Variants in GABPB1 observed in about 807,000 individuals in gnomAD.
The protein encoded by GABPB1 is GA-binding protein subunit beta-1.
A neutral mutation model predicts 45.9 loss-of-function variants in GABPB1; 15 were observed. The ratio of observed to expected loss-of-function variants is 0.33; its 90% CI spans 0.22 to 0.50. The LOEUF is 0.50. GABPB1 is among the 20% of genes least tolerant of loss of function. The pLI, the probability that GABPB1 is intolerant of heterozygous loss-of-function variation, is 0.98. For missense variants in GABPB1, 252 were observed against 457.5 expected, an observed-to-expected ratio of 0.55 and a Z score of 4.10; for synonymous variants, 143 against 154.4, an observed-to-expected ratio of 0.93 and a Z score of 0.55.
intron 1 of GABPB1, chr15:50,352,753 G>A (rs1397304635): frequency 1.3e-5 from 2 of 152,148 alleles, no homozygotes; most frequent in African/African-American, 4.8e-5. Flanking sequence ...CCTGTTGATG[G>A]AACAGTAGAG....
At chr15:50,346,879 C>T (rs184967078) in intron 1 of GABPB1, among the ~76,000 whole-genome samples, 3 of 151,522 alleles carry the variant, frequency 2.0e-5, no homozygotes, top group African/African-American at 7.3e-5. Flanking sequence ...CCTCCGCCCC[C>T]CCCAGGTTCA....
intron 1 of GABPB1, chr15:50,314,777 G>A (rs1484944631): frequency 1.3e-5 from 2 of 152,228 alleles, no homozygotes; most frequent in African/African-American, 4.8e-5. Flanking sequence ...TTTTTCCACA[G>A]TGTTAATGTA....
chr15:50,318,711 A>G (rs1595795068), intron 1 of GABPB1, among the ~76,000 whole-genome samples: 2 of 152,232 alleles, frequency 1.3e-5, no homozygotes, highest in Admixed American at 6.5e-5. Context: ...CAAGGAAAAG[A>G]CAGGCTGGTA....
rs2047932939 is a variant in GABPB1, at chr15:50,331,084, A to G, written c.1-21286T>C. On this transcript the variant is annotated intron_variant, in intron 1 of 8. Transcript: ENST00000380877. ...AAGGAAGCATCATGATGCACAAGTC[A>G]TTCTCTTGGTTGCTTAGCATCAAAA... Among the ~76,000 whole-genome samples, 4 of 152,320 alleles carry G rather than the reference A, an allele frequency of 2.6e-5. No homozygotes were observed. The South Asian group carries it at 8.3e-4, about 32-fold the overall frequency.
At chr15:50,290,590 CAA>C (rs201704921) in intron 6 of GABPB1, among the ~76,000 whole-genome samples, 10 of 112,060 alleles carry the variant, frequency 8.9e-5, no homozygotes, top group Admixed American at 9.2e-5. Flanking sequence ...GACCCTGTCT[CAA>C]AAAAAAAAAA....
intron 8 of GABPB1, chr15:50,285,833 T>C: frequency 1.5e-6 from 2 of 1,295,110 alleles, no homozygotes; most frequent in African/African-American, 3.1e-5. Flanking sequence ...GACATTCCAG[T>C]GTTATCAAGA....
In GABPB1 at chr15:50,337,075, GTATATATATATATATATA is replaced by G. The variant is rs869106382; in HGVS notation, c.-1+17892_-1+17909del. On this transcript the variant is annotated intron_variant, in intron 1 of 8. Coordinates refer to ENST00000380877, the MANE Select transcript of GABPB1 (RefSeq NM_016654.5). The stretch of plus-strand genomic sequence containing the variant: ...GAAAAAATTACATGTATATGTGTGT[GTATATATATATATATATA>G]TATATATATATATATATATATATAT... Among the ~76,000 whole-genome samples the G allele has an allele frequency of 1.7e-3, 24 of 14,198 alleles. 1 individual carries two copies. The highest frequency in any genetic ancestry group is 2.4e-3 in the South Asian group (1 of 414). The allele number at this position is 14,198 out of a possible 152,430, so 9.3% of individuals were successfully genotyped here.
At chr15:50,301,456 A>G in intron 4 of GABPB1, 88 bp from the exon 5 acceptor site, 9 of 1,174,786 alleles carry the variant, frequency 7.7e-6, no homozygotes, top group Non-Finnish European at 9.8e-6. Flanking sequence ...CATATAAAGG[A>G]GTATTCTCTA....
At chr15:50,329,557 T>C (rs2047882072) in intron 1 of GABPB1, among the ~76,000 whole-genome samples, 1 of 152,188 alleles carries the variant, frequency 6.6e-6, no homozygotes, top group Admixed American at 6.5e-5. Flanking sequence ...GTATATGCCA[T>C]TTAGTATTAA....
At chr15:50,308,443 T>C (rs1415590791) in intron 2 of GABPB1, among the ~76,000 whole-genome samples, 2 of 152,336 alleles carry the variant, frequency 1.3e-5, no homozygotes, top group Non-Finnish European at 1.5e-5. Flanking sequence ...TCACATCAGC[T>C]TATTATCTTT....
chr15:50,331,236 C>T (rs949937287), intron 1 of GABPB1, among the ~76,000 whole-genome samples: 2 of 152,226 alleles, frequency 1.3e-5, no homozygotes, highest in Admixed American at 6.5e-5. Flanking sequence ...ATGACCTCCA[C>T]TCCACAAGAG....
At chr15:50,345,387 A>G (rs1255668812) in intron 1 of GABPB1, among the ~76,000 whole-genome samples, 1 of 152,172 alleles carries the variant, frequency 6.6e-6, no homozygotes, top group Non-Finnish European at 1.5e-5. Context: ...CAACACAGTG[A>G]GACCTTGTCT....
At chr15:50,310,188 G>A (rs1303979068) in intron 1 of GABPB1, among the ~76,000 whole-genome samples, 1 of 152,172 alleles carries the variant, frequency 6.6e-6, no homozygotes, top group East Asian at 1.9e-4. Flanking sequence ...CGCCTCCTGG[G>A]TTCATGTGAT....
At chr15:50,278,901 A>T in intron 8 of GABPB1, 117 bp from the exon 9 acceptor site, 1 of 752,714 alleles carries the variant, frequency 1.3e-6, no homozygotes, top group Non-Finnish European at 2.0e-6. Context: ...GCAGCCACCT[A>T]TTGAAATTTC....
At chr15:50,300,658 T>C in intron 6 of GABPB1, 131 bp downstream of exon 6, 1 of 612,288 alleles carries the variant, frequency 1.6e-6, no homozygotes. Flanking sequence ...TTGTCCAGGC[T>C]GGTCTCAAAC....
chr15:50,295,087 G>A (rs1315978498), intron 6 of GABPB1, among the ~76,000 whole-genome samples: 1 of 152,134 alleles, frequency 6.6e-6, no homozygotes, highest in Non-Finnish European at 1.5e-5. Flanking sequence ...CAGATGTAAG[G>A]CCTACATCTT....
At chr15:50,288,835 T>C (rs75552246) in intron 7 of GABPB1, among the ~76,000 whole-genome samples, 1 of 152,038 alleles carries the variant, frequency 6.6e-6, no homozygotes, top group Non-Finnish European at 1.5e-5. Flanking sequence ...TTTTTTTTTT[T>C]CTTTTTCTGA....
At chr15:50,288,461 G>A (rs1379504796) in intron 7 of GABPB1, among the ~76,000 whole-genome samples, 1 of 152,188 alleles carries the variant, frequency 6.6e-6, no homozygotes, top group African/African-American at 2.4e-5. Context: ...CTCTGCCTCA[G>A]TATTCATGCC....
At chr15:50,316,684 T>C (rs529594758) in intron 1 of GABPB1, among the ~76,000 whole-genome samples, 5 of 151,980 alleles carry the variant, frequency 3.3e-5, no homozygotes, top group African/African-American at 1.2e-4. Context: ...AAGGAAACTA[T>C]TCAAAAATCT....
Sources: gnomAD v4.1 joint callset for allele counts (sites outside exome capture counted in the v4.1 genomes callset) on GRCh38, gnomAD v4.1.1 for gene constraint, MANE v1.5 for transcripts, NCBI Gene and HGNC (gene_info 2026-07-23, HGNC 2026-07-21) for gene names.